PAF1: variants seen among roughly 807,000 people sequenced by gnomAD.
PAF1 encodes the protein PAF1 component of Paf1/RNA polymerase II complex, also known as RNA polymerase II-associated factor 1 homolog.
Under a neutral mutation model 68.4 loss-of-function variants are expected in PAF1, and 31 were observed. The observed-to-expected ratio is 0.45, with a 90% confidence interval of 0.34 to 0.61. The LOEUF (loss-of-function observed/expected upper bound fraction) is 0.61, where lower values mean the gene tolerates loss of function less well. Ranked by LOEUF, PAF1 falls within the 20% of genes least tolerant of loss-of-function variation. The pLI is 0.01. For missense variants in PAF1, 435 were observed against 692.9 expected (o/e 0.63, Z 4.18); for synonymous variants, 256 against 240.5 (o/e 1.06, Z -0.60).
Position 39,385,902 on chromosome 19 carries a change from A to G in PAF1, c.*89T>C. 4 of 1,552,466 alleles carry G rather than the reference A, an allele frequency of 2.6e-6. No homozygotes were observed. The highest frequency in any genetic ancestry group is 3.5e-6 in the Non-Finnish European group (4 of 1,153,018). ...GCAAAGGTTTGGGGGTGGGGAACAA[A>G]CAAGTGAAAGGCTCACAAACAGACC... On this transcript the variant is annotated 3_prime_UTR_variant, in exon 14 of 14. Coordinates refer to ENST00000221265, the MANE Select transcript of PAF1 (RefSeq NM_019088.4).
rs1008424980 is a variant in PAF1 at position 39,391,046 on chromosome 19, G to A, written c.-182C>T. 1.9e-4 allele frequency: 124 copies of A among 646,262 alleles called. No individual in the cohort carries two copies. The highest frequency in any genetic ancestry group is 3.7e-5 in the Non-Finnish European group (14 of 379,822). 40.0% of individuals were successfully genotyped at this position (646,262 alleles called of 1,614,324 possible). A position where few individuals can be genotyped will look rare whatever the true frequency, so the allele number is the denominator to read the frequency against. On this transcript the variant is annotated 5_prime_UTR_variant, in exon 1 of 14. Transcript: ENST00000221265. ...GAGCTCCAGCGAGACTCAGGTGAAC[G>A]CGCAGGCAGCACCGGGGACGGACTC...
chr19:39,389,034 G>A lies in PAF1; in HGVS notation c.568-19C>T. 6.2e-7 allele frequency: 1 copy of A among 1,613,878 alleles called. No homozygotes were observed. Among genetic ancestry groups the A allele is most frequent in the Non-Finnish European group, 8.5e-7 (1 of 1,179,786 alleles). On this transcript the variant is annotated intron_variant, in intron 7 of 13. Transcript: ENST00000221265. This position sits in a 1 kb window ranked among gnomAD's most constrained non-coding sequence, Gnocchi z 5.3. ...GTGAGATCTGGTGGAACAAAAACAA[G>A]GTGAGGAGGAGCTCTGCAGCCGCAC...
Position 39,389,146 on chromosome 19 carries a change from T to C in PAF1, c.514A>G (p.Arg172Gly). ...QFTEEEIYKD[R>G]DSQITAIEKT... ...TCAATGGCTGTGATCTGGCTATCCC[T>C]GTCTTTGTATATTTCTTCCTCGGTA... The change falls in exon 7 of 14, where the codon AGG (arginine) becomes GGG (glycine). Residue 172 changes from arginine (R) to glycine (G), a missense_variant. By Grantham distance (125) the Arg-to-Gly change is moderately radical. Around this residue, in one of 7 missense-constraint regions of PAF1, gnomAD observed 151 missense variants for 306.3 expected, o/e 0.49. Transcript: ENST00000221265. This position sits in a 1 kb window ranked among gnomAD's most constrained non-coding sequence, Gnocchi z 5.3. 1 of 1,614,190 alleles carries C rather than the reference T, an allele frequency of 6.2e-7. No individual in the cohort carries two copies. Among genetic ancestry groups the C allele is most frequent in the East Asian group, 2.2e-5 (1 of 44,890 alleles).
intron 8 of PAF1, 33 bp downstream of exon 8, chr19:39,388,914 C>T: frequency 3.1e-6 from 5 of 1,610,954 alleles, no homozygotes; most frequent in South Asian, 1.1e-5. Context: ...CACAAATAGG[C>T]TGTCCCTTTC....
At position 39,389,768 on chromosome 19, in the gene PAF1, G is replaced by A. The variant is rs1189194864; in HGVS notation, c.171-7C>T. On this transcript the variant is annotated splice_polypyrimidine_tract_variant and splice_region_variant and intron_variant, in intron 3 of 13. Transcript: ENST00000221265. The surrounding 1 kb of genome is among the most constrained non-coding windows in gnomAD (Gnocchi z 5.3). Reference sequence around the variant, plus strand: ...GGCTTTGTACTGGACGAACCTGGGTGGGGAAACACCTATTGTGGTGTTTGG... The same window carrying A: ...GGCTTTGTACTGGACGAACCTGGGTAGGGAAACACCTATTGTGGTGTTTGG... The A allele has an allele frequency of 3.1e-6, 5 of 1,614,032 alleles. No homozygotes were observed. Among genetic ancestry groups the A allele is most frequent in the Non-Finnish European group, 3.4e-6 (4 of 1,179,972 alleles).
At chr19:39,387,965 C>T (rs2078289530) in intron 11 of PAF1, among the ~76,000 whole-genome samples, 2 of 152,098 alleles carry the variant, frequency 1.3e-5, no homozygotes, top group Non-Finnish European at 2.9e-5. Context: ...TGGTGAAACC[C>T]CATCTCTATT....
intron 1 of PAF1, 89 bp from the exon 2 acceptor site, chr19:39,390,378 G>GA (rs2078353086): frequency 1.5e-5 from 16 of 1,038,518 alleles, no homozygotes; most frequent in Non-Finnish European, 1.9e-5. Flanking sequence ...CAAAAGGTAG[G>GA]AGGGGTGACA....
At chr19:39,390,374 G>A in intron 1 of PAF1, 85 bp from the exon 2 acceptor site, 1 of 1,293,264 alleles carries the variant, frequency 7.7e-7, no homozygotes, top group African/African-American at 2.3e-5. Flanking sequence ...CTTTCAAAAG[G>A]TAGGAGGGGT....
chr19:39,388,116 G>A (rs1454204581), intron 11 of PAF1, among the ~76,000 whole-genome samples: 2 of 152,184 alleles, frequency 1.3e-5, no homozygotes, highest in Non-Finnish European at 2.9e-5. Flanking sequence ...ACTCTGGCCT[G>A]GGCAACAGAG....
intron 1 of PAF1, among the ~76,000 whole-genome samples, chr19:39,390,565 A>C (rs1268743815): frequency 6.6e-6 from 1 of 152,206 alleles, no homozygotes; most frequent in Non-Finnish European, 1.5e-5. Flanking sequence ...CCATGTACTC[A>C]ATCGTCTTCG....
intron 11 of PAF1, 68 bp downstream of exon 11, chr19:39,388,271 G>A: frequency 6.6e-7 from 1 of 1,526,440 alleles, no homozygotes; most frequent in Non-Finnish European, 9.1e-7. Context: ...CTCCAAGGTG[G>A]CTCTTGCATG....
In PAF1 at chr19:39,390,146, G is replaced by A. The variant is rs779575767; in HGVS notation, c.93C>T (p.Cys31=). 6.2e-7 allele frequency: 1 copy of A among 1,613,944 alleles called. No homozygotes were observed. The highest frequency in any genetic ancestry group is 1.7e-5 in the Admixed American group (1 of 60,006). The change falls in exon 3 of 14, where the codon TGC becomes TGT. Residue 31 remains cysteine (C), a synonymous_variant. Transcript: ENST00000221265. ...RTLPERSGVV[C]RVKYCNSLPD... is the part of the protein sequence containing the mutation. ...GGAGGCTATTGCAGTACTTGACTCG[G>A]CAGACCACTCCAGACCTAGGAACAT...
At chr19:39,388,903 G>A in intron 8 of PAF1, 38 bp from the exon 9 acceptor site, 1 of 1,609,578 alleles carries the variant, frequency 6.2e-7, no homozygotes, top group Non-Finnish European at 8.5e-7. Context: ...ATGGGAACAG[G>A]CACAAATAGG....
chr19:39,389,023 A>G lies in PAF1; in HGVS notation c.568-8T>C, dbSNP rs40353. On this transcript the variant is annotated splice_region_variant and splice_polypyrimidine_tract_variant and intron_variant, in intron 7 of 13. Transcript: ENST00000221265. The surrounding 1 kb of genome is among the most constrained non-coding windows in gnomAD (Gnocchi z 5.3). ...GCTGTAATGCTGTGAGATCTGGTGG[A>G]ACAAAAACAAGGTGAGGAGGAGCTC... 156,762 of 1,613,576 alleles carry G rather than the reference A, an allele frequency of 0.097. 21,514 individuals carry two copies. Among genetic ancestry groups the G allele is most frequent in the African/African-American group, 0.67 (50,317 of 74,892 alleles).
Position 39,386,384 on chromosome 19 carries a change from G to A in PAF1, c.1203C>T (p.Gly401=). 2 of 1,614,074 alleles carry A rather than the reference G, an allele frequency of 1.2e-6. No homozygotes were observed. The highest frequency in any genetic ancestry group is 2.2e-5 in the South Asian group (2 of 91,076). ...AGGSDEEQEK[G]SSSEKEGSED... ...CACTGCCCTCCTTCTCACTGCTGCTGCCCTTCTCCTGCTCCTCATCTGGAA... is the reference window on the plus strand; with the variant it reads ...CACTGCCCTCCTTCTCACTGCTGCTACCCTTCTCCTGCTCCTCATCTGGAA... The change falls in exon 14 of 14, where the codon GGC becomes GGT. Residue 401 remains glycine (G), a synonymous_variant. Transcript: ENST00000221265. The surrounding 1 kb of genome is among the most constrained non-coding windows in gnomAD (Gnocchi z 6.1).
At position 39,389,461 on chromosome 19, in the gene PAF1, C is replaced by A; in HGVS notation, c.359+19G>T. 1 of 1,613,762 alleles carries A rather than the reference C, an allele frequency of 6.2e-7. No individual in the cohort carries two copies. The highest frequency in any genetic ancestry group is 8.5e-7 in the Non-Finnish European group (1 of 1,179,644). The stretch of plus-strand genomic sequence containing the variant: ...GCCCACCTGAGCCAGTCTCCAGTAC[C>A]CATTTGCTACCCACTCACCTCTTGG... On this transcript the variant is annotated intron_variant, in intron 5 of 13. Transcript: ENST00000221265. This position sits in a 1 kb window ranked among gnomAD's most constrained non-coding sequence, Gnocchi z 5.3.
rs57850430 is a variant in PAF1, at chr19:39,387,096, T to C, written c.987-297A>G. ...TTTAACAGGGACACATTCTGAGATA[T>C]ACATCATGTGAACATCATACAGTAC... On this transcript the variant is annotated intron_variant, in intron 11 of 13. Coordinates refer to ENST00000221265, the MANE Select transcript of PAF1 (RefSeq NM_019088.4). The C allele has an allele frequency of 0.022, 10,850 of 503,556 alleles. 197 individuals carry two copies. The highest frequency in any genetic ancestry group is 0.065 in the African/African-American group (3,366 of 52,182). The allele number at this position is 503,556 out of a possible 1,614,324, so 31.2% of individuals were successfully genotyped here.
At position 39,389,559 on chromosome 19, in the gene PAF1, G is replaced by A. The variant is rs780055468; in HGVS notation, c.293-13C>T. ...GGATCTAGAAGAACTAGAGGAGAGCGGGGGGCAGGAGGACCATGAGGGAGG... is the reference window on the plus strand; with the variant it reads ...GGATCTAGAAGAACTAGAGGAGAGCAGGGGGCAGGAGGACCATGAGGGAGG... On this transcript the variant is annotated splice_polypyrimidine_tract_variant and intron_variant, in intron 4 of 13. Coordinates refer to ENST00000221265, the MANE Select transcript of PAF1 (RefSeq NM_019088.4). The surrounding 1 kb of genome is among the most constrained non-coding windows in gnomAD (Gnocchi z 5.3). 2.6e-5 allele frequency: 42 copies of A among 1,613,988 alleles called. No individual in the cohort carries two copies. In the East Asian group the frequency reaches 4.2e-4, roughly 16 times the overall value.
chr19:39,386,215 C>T lies in PAF1; in HGVS notation c.1372G>A (p.Ala458Thr), dbSNP rs1200921107. The stretch of plus-strand genomic sequence containing the variant: ...GAGTCGGCATCGTCCTCAGAATCAG[C>T]ATCACTGCCAAAGATCTCCTCTTTG... ...RDKEEIFGSDADSEDDADSDD... is the reference protein window; with the variant it reads ...RDKEEIFGSDTDSEDDADSDD... Residue 458 changes from alanine to threonine, a missense_variant, in exon 14 of 14, where the codon GCT becomes ACT. By Grantham distance (58) the Ala-to-Thr change is moderately conservative (BLOSUM62 0). Around this residue, in one of 7 missense-constraint regions of PAF1, gnomAD observed 3 missense variants for 18.4 expected, o/e 0.16. Coordinates refer to ENST00000221265, the MANE Select transcript of PAF1 (RefSeq NM_019088.4). The surrounding 1 kb of genome is among the most constrained non-coding windows in gnomAD (Gnocchi z 6.1). 6.2e-7 allele frequency: 1 copy of T among 1,614,070 alleles called. No individual in the cohort carries two copies. Among genetic ancestry groups the T allele is most frequent in the African/African-American group, 1.3e-5 (1 of 74,924 alleles).
Sources: allele counts gnomAD v4.1 joint callset (sites outside exome capture counted in the v4.1 genomes callset), GRCh38; gene constraint gnomAD v4.1.1; regional missense constraint gnomAD v4.1.1; non-coding constraint Gnocchi (gnomAD v3.1); transcripts MANE v1.5; gene names NCBI Gene and HGNC (gene_info 2026-07-23, HGNC 2026-07-21).